LRRC7: variants seen among roughly 807,000 people sequenced by gnomAD.
LRRC7 encodes the protein leucine rich repeat containing 7, also known as leucine-rich repeat-containing protein 7.
A neutral mutation model predicts 175.7 loss-of-function variants in LRRC7; 23 were observed. That is an observed-to-expected ratio of 0.13 (90% CI 0.09 to 0.19). The LOEUF is 0.19. Ranked by LOEUF, LRRC7 falls within the 10% of genes least tolerant of loss-of-function variation. The pLI is 1.00. For missense variants in LRRC7, 1,354 were observed against 1,904.7 expected (o/e 0.71, Z 5.38); for synonymous variants, 685 against 680.9 (o/e 1.01, Z -0.09).
intron 7 of LRRC7, among the ~76,000 whole-genome samples, chr1:69,843,070 A>G (rs955390511): frequency 6.6e-6 from 1 of 151,940 alleles, no homozygotes; most frequent in Non-Finnish European, 1.5e-5. Flanking sequence ...ATGGTGGCAT[A>G]CACCTGTAAC....
chr1:69,628,912 A>T (rs746462509), intron 1 of LRRC7, among the ~76,000 whole-genome samples: 5 of 152,184 alleles, frequency 3.3e-5, no homozygotes, highest in Non-Finnish European at 5.9e-5. Context: ...AACTGGATAT[A>T]TATGGGCAGG....
At chr1:70,103,419 G>A (rs1421893847) in intron 25 of LRRC7, among the ~76,000 whole-genome samples, 1 of 152,118 alleles carries the variant, frequency 6.6e-6, no homozygotes, top group Admixed American at 6.6e-5. Context: ...CAGTCAGAGG[G>A]AGATGTTACA....
intron 22 of LRRC7, among the ~76,000 whole-genome samples, chr1:70,046,556 A>C (rs1262486494): frequency 6.6e-6 from 1 of 152,176 alleles, no homozygotes; most frequent in African/African-American, 2.4e-5. Flanking sequence ...AAAAAGATAC[A>C]TAAGCAGGGC....
At chr1:69,577,705 T>C (rs1345391833) in intron 1 of LRRC7, among the ~76,000 whole-genome samples, 3 of 152,168 alleles carry the variant, frequency 2.0e-5, no homozygotes, top group Non-Finnish European at 2.9e-5. Flanking sequence ...TGCAGTGTTA[T>C]TTCTGAGGGC....
intron 7 of LRRC7, among the ~76,000 whole-genome samples, chr1:69,904,586 A>C (rs1380648007): frequency 6.6e-6 from 1 of 152,172 alleles, no homozygotes; most frequent in Non-Finnish European, 1.5e-5. Context: ...AACATAAAAA[A>C]TTATGCAAAT....
chr1:70,067,644 A>T (rs369853001), intron 23 of LRRC7, among the ~76,000 whole-genome samples: 2 of 152,084 alleles, frequency 1.3e-5, no homozygotes, highest in East Asian at 3.9e-4. Flanking sequence ...TAGGATAATC[A>T]TATGTATTTA....
Position 69,741,275 on chromosome 1 carries a change from GA to G in LRRC7, c.101-18915del, listed in dbSNP as rs375607408. ...ATAGATATGTTCAAAATATGGCATGGAGCATTCCTATACTATCCATTGTTTA... is the reference window on the plus strand; with the variant it reads ...ATAGATATGTTCAAAATATGGCATGGGCATTCCTATACTATCCATTGTTTA... On this transcript the variant is annotated intron_variant, in intron 2 of 26. Coordinates refer to ENST00000651989, the MANE Select transcript of LRRC7 (RefSeq NM_001370785.2). Among the ~76,000 whole-genome samples, 38 of 152,054 alleles carry G rather than the reference GA, an allele frequency of 2.5e-4. 1 individual carries two copies. Among genetic ancestry groups the G allele is most frequent in the Middle Eastern group, 3.4e-3 (1 of 294 alleles).
intron 2 of LRRC7, among the ~76,000 whole-genome samples, chr1:69,752,990 T>C (rs1210095897): frequency 6.6e-6 from 1 of 152,158 alleles, no homozygotes; most frequent in Non-Finnish European, 1.5e-5. Context: ...GGATTGTTAC[T>C]GACTCAAGTC....
intron 3 of LRRC7, among the ~76,000 whole-genome samples, chr1:69,780,624 T>C (rs776233809): frequency 4.7e-5 from 7 of 149,884 alleles, no homozygotes; most frequent in African/African-American, 7.4e-5. Context: ...CTCTTATTAC[T>C]TAGAGTTGGC....
chr1:69,670,816 A>G (rs1246444733), intron 1 of LRRC7, among the ~76,000 whole-genome samples: 1 of 152,082 alleles, frequency 6.6e-6, no homozygotes. Flanking sequence ...GGGATTAGTG[A>G]TAGGCTACCA....
chr1:69,581,574 T>C (rs191133699), intron 1 of LRRC7, among the ~76,000 whole-genome samples: 6 of 152,270 alleles, frequency 3.9e-5, no homozygotes, highest in Admixed American at 3.3e-4. Flanking sequence ...ATTGACAGAA[T>C]GAAGGAAACT....
At chr1:70,065,502 T>G (rs1213628800) in intron 23 of LRRC7, among the ~76,000 whole-genome samples, 1 of 152,006 alleles carries the variant, frequency 6.6e-6, no homozygotes, top group Non-Finnish European at 1.5e-5. Context: ...AAAATCTATG[T>G]GAATTATGGA....
intron 2 of LRRC7, among the ~76,000 whole-genome samples, chr1:69,704,657 CTT>C (rs1663796421): frequency 6.6e-6 from 1 of 151,806 alleles, no homozygotes; most frequent in African/African-American, 2.4e-5. Flanking sequence ...TTAATAATCA[CTT>C]TATAACTTTA....
rs749849077 is a variant in LRRC7, at chr1:70,076,239, C to G, written c.4393C>G (p.Pro1465Ala). Residue 1465 changes from proline (P) to alanine (A), a missense_variant, in exon 24 of 27, where the codon CCT becomes GCT. Pro to Ala is a conservative substitution (Grantham distance 27, BLOSUM62 -1). Coordinates refer to ENST00000651989, the MANE Select transcript of LRRC7 (RefSeq NM_001370785.2). ...PSSQATRGPQPGRCLIQTKGQ... is the reference protein window; with the variant it reads ...PSSQATRGPQAGRCLIQTKGQ... ...TTCACAGGCCACCCGGGGACCTCAG[C>G]CTGGACGGTGCTTAATTCAAACTAA... is the stretch of plus-strand genomic sequence containing the variant. The G allele has an allele frequency of 6.2e-7, 1 of 1,614,042 alleles. No individual in the cohort carries two copies. The highest frequency in any genetic ancestry group is 1.1e-5 in the South Asian group (1 of 91,082).
intron 1 of LRRC7, among the ~76,000 whole-genome samples, chr1:69,582,406 C>T (rs1051409649): frequency 1.1e-4 from 16 of 152,052 alleles, no homozygotes; most frequent in African/African-American, 3.9e-4. Flanking sequence ...AGGATCCAAG[C>T]TGAGGGAGCA....
rs376920008 is a variant in LRRC7, at chr1:70,077,721, G to A, written c.4452+1423G>A. On this transcript the variant is annotated intron_variant, in intron 24 of 26. Transcript: ENST00000651989. ...ATTTTAATACTATTTCCCCAAAAATGTAAATTATATAAAGTTTGGCTAGTA... is the reference window on the plus strand; with the variant it reads ...ATTTTAATACTATTTCCCCAAAAATATAAATTATATAAAGTTTGGCTAGTA... Among the ~76,000 whole-genome samples, 8 of 152,224 alleles carry A rather than the reference G, an allele frequency of 5.3e-5. No homozygotes were observed. In the East Asian group the frequency reaches 1.5e-3, roughly 29 times the overall value.
intron 23 of LRRC7, among the ~76,000 whole-genome samples, chr1:70,063,401 G>T (rs17131170): frequency 0.15 from 22,750 of 151,908 alleles, 2,691 homozygotes; most frequent in African/African-American, 0.32. Flanking sequence ...AAAATGTTCC[G>T]GGTTGAATAT....
At chr1:69,679,363 C>T (rs138337382) in intron 2 of LRRC7, among the ~76,000 whole-genome samples, 1,926 of 152,102 alleles carry the variant, frequency 0.013, 28 homozygotes, top group African/African-American at 0.034. Context: ...ATTATATTGG[C>T]GTTTTTAAAT....
intron 8 of LRRC7, among the ~76,000 whole-genome samples, chr1:69,951,372 CA>C (rs1226412828): frequency 3.9e-5 from 6 of 152,050 alleles, no homozygotes; most frequent in Non-Finnish European, 8.8e-5. Flanking sequence ...CTGTGGAAAG[CA>C]GTATCACAAG....
Sources: allele counts gnomAD v4.1 joint callset (sites outside exome capture counted in the v4.1 genomes callset), GRCh38; gene constraint gnomAD v4.1.1; transcripts MANE v1.5; gene names NCBI Gene and HGNC (gene_info 2026-07-23, HGNC 2026-07-21).